PLCB4: variants seen among roughly 807,000 people sequenced by gnomAD.
PLCB4 encodes the protein phospholipase C beta 4.
In PLCB4, 77 loss-of-function variants were observed where a neutral mutation model predicts 178.8. The ratio of observed to expected loss-of-function variants is 0.43; its 90% CI spans 0.36 to 0.52. The LOEUF (loss-of-function observed/expected upper bound fraction) is 0.52, where lower values mean the gene tolerates loss of function less well. Ranked by LOEUF, PLCB4 falls within the 20% of genes least tolerant of loss-of-function variation. The pLI is 0.00. For synonymous variants in PLCB4, 496 were observed against 490.8 expected, an observed-to-expected ratio of 1.01 and a Z score of -0.14; for missense variants, 1,024 against 1,453.4, an observed-to-expected ratio of 0.70 and a Z score of 4.80.
At chr20:9,445,072 T>C (rs1047707536) in intron 32 of PLCB4, among the ~76,000 whole-genome samples, 1 of 152,154 alleles carries the variant, frequency 6.6e-6, no homozygotes, top group African/African-American at 2.4e-5. Context: ...TTACAAGAGC[T>C]AGTTGCAAAT....
chr20:9,332,144 T>G (rs2031767894), intron 4 of PLCB4, among the ~76,000 whole-genome samples: 1 of 152,210 alleles, frequency 6.6e-6, no homozygotes. Context: ...ACCATTTAAC[T>G]GCAAAACAAA....
In PLCB4 at chr20:9,168,559, G is replaced by A. The variant is rs189794784; in HGVS notation, c.-78-48831G>A. Among the ~76,000 whole-genome samples, 17 of 152,308 alleles carry A rather than the reference G, an allele frequency of 1.1e-4. 1 individual carries two copies. Among genetic ancestry groups the A allele is most frequent in the Admixed American group, 8.5e-4 (13 of 15,302 alleles). On this transcript the variant is annotated intron_variant, in intron 2 of 39. Transcript: ENST00000378473. ...ACCACAGCAGGTGTGGGGTGATGAG[G>A]CCTGAGATTCTGCATTGCTAACAGG...
At chr20:9,241,574 A>T (rs1601389317) in intron 3 of PLCB4, among the ~76,000 whole-genome samples, 1 of 152,346 alleles carries the variant, frequency 6.6e-6, no homozygotes, top group African/African-American at 2.4e-5. Context: ...TTGTGTGATG[A>T]ATCACCAGAT....
At chr20:9,127,934 G>A (rs955469376) in intron 2 of PLCB4, among the ~76,000 whole-genome samples, 2 of 152,038 alleles carry the variant, frequency 1.3e-5, no homozygotes, top group Non-Finnish European at 1.5e-5. Context: ...TGATCTGCCC[G>A]CCTCGGCCTC....
chr20:9,308,661 C>T (rs2094797543), intron 4 of PLCB4, among the ~76,000 whole-genome samples: 3 of 152,106 alleles, frequency 2.0e-5, no homozygotes, highest in Non-Finnish European at 2.9e-5. Context: ...GTGGCTAATT[C>T]GCTGATCTTC....
chr20:9,258,640 G>A (rs1212672581), intron 3 of PLCB4, among the ~76,000 whole-genome samples: 4 of 150,862 alleles, frequency 2.7e-5, no homozygotes, highest in Non-Finnish European at 4.4e-5. Flanking sequence ...GCTTGAACTC[G>A]GGAGGCGGAG....
intron 25 of PLCB4, among the ~76,000 whole-genome samples, chr20:9,417,027 C>G (rs60873303): frequency 0.044 from 6,741 of 152,206 alleles, 506 homozygotes; most frequent in African/African-American, 0.15. Context: ...TTGACATCAT[C>G]TAGACTTGAA....
chr20:9,398,140 A>T (rs776034014), intron 19 of PLCB4, among the ~76,000 whole-genome samples: 1 of 152,220 alleles, frequency 6.6e-6, no homozygotes, highest in African/African-American at 2.4e-5. Context: ...CTCAAGAGGC[A>T]GGAAGCAGAA....
intron 12 of PLCB4, among the ~76,000 whole-genome samples, chr20:9,376,780 C>A (rs2036713927): frequency 6.6e-6 from 1 of 152,018 alleles, no homozygotes; most frequent in Admixed American, 6.6e-5. Context: ...GGGTGGAGGG[C>A]AGGAGAGAGG....
intron 19 of PLCB4, among the ~76,000 whole-genome samples, chr20:9,397,810 A>G (rs1169681473): frequency 6.6e-6 from 1 of 152,202 alleles, no homozygotes; most frequent in Non-Finnish European, 1.5e-5. Flanking sequence ...ACTATGCAAT[A>G]AACCATCCCC....
At chr20:9,308,259 G>T (rs1188093612) in intron 4 of PLCB4, among the ~76,000 whole-genome samples, 1 of 152,150 alleles carries the variant, frequency 6.6e-6, no homozygotes, top group Non-Finnish European at 1.5e-5. Context: ...ATTTAACTTT[G>T]TATGTGTTAT....
chr20:9,180,253 A>T (rs2093223437), intron 2 of PLCB4, among the ~76,000 whole-genome samples: 1 of 151,868 alleles, frequency 6.6e-6, no homozygotes. Flanking sequence ...ATTATGGATA[A>T]TAAAAATGAT....
chr20:9,202,202 C>T (rs1236070767), intron 2 of PLCB4, among the ~76,000 whole-genome samples: 3 of 152,158 alleles, frequency 2.0e-5, no homozygotes, highest in Middle Eastern at 3.4e-3. Context: ...GAATACAGAT[C>T]AGTGGTTGTG....
intron 2 of PLCB4, among the ~76,000 whole-genome samples, chr20:9,150,284 A>G (rs2092669949): frequency 1.3e-5 from 2 of 152,154 alleles, no homozygotes; most frequent in African/African-American, 4.8e-5. Context: ...CAGTTAGTGG[A>G]CTTTATGATG....
chr20:9,380,207 A>C, intron 13 of PLCB4, 45 bp downstream of exon 13: 2 of 974,274 alleles, frequency 2.1e-6, no homozygotes, highest in Non-Finnish European at 3.1e-6. Context: ...ACAAGAAAAG[A>C]TGCAACTTTT....
chr20:9,177,860 C>T (rs569730716), intron 2 of PLCB4, among the ~76,000 whole-genome samples: 2 of 152,342 alleles, frequency 1.3e-5, no homozygotes, highest in East Asian at 3.9e-4. Context: ...TGCCTGTCCT[C>T]ATCTCATTTT....
In PLCB4 at chr20:9,480,342, C is replaced by A. The variant is rs986179703; in HGVS notation, c.*1333C>A. The A allele has an allele frequency of 3.9e-5, 6 of 152,580 alleles. No homozygotes were observed. Among genetic ancestry groups the A allele is most frequent in the African/African-American group, 1.4e-4 (6 of 41,428 alleles). The allele number at this position is 152,580 out of a possible 1,614,324, so 9.5% of individuals were successfully genotyped here. On this transcript the variant is annotated 3_prime_UTR_variant, in exon 40 of 40. Transcript: ENST00000378473. ...TCAGATTACTGATTTTAGGGCACAG[C>A]ACCAGATGAATTGTTGTATATGCTT...
intron 7 of PLCB4, among the ~76,000 whole-genome samples, chr20:9,340,753 C>CA (rs35217614): frequency 0.067 from 10,134 of 152,172 alleles, 360 homozygotes; most frequent in Middle Eastern, 0.095. Context: ...AGCAGATATA[C>CA]GCTGGACCTC....
chr20:9,443,876 G>A (rs754444023), intron 30 of PLCB4, 105 bp from the exon 31 acceptor site: 1 of 671,996 alleles, frequency 1.5e-6, no homozygotes, highest in East Asian at 2.5e-5. Context: ...ATGTAAAGCT[G>A]CTTCAAAGTC....
Sources: gnomAD v4.1 joint callset for allele counts (sites outside exome capture counted in the v4.1 genomes callset) on GRCh38, gnomAD v4.1.1 for gene constraint, MANE v1.5 for transcripts, NCBI Gene and HGNC (gene_info 2026-07-23, HGNC 2026-07-21) for gene names.